MAMDC2: variants seen among roughly 807,000 people sequenced by gnomAD.
MAMDC2 encodes MAM domain containing 2.
In MAMDC2, 57 loss-of-function variants were observed where a neutral mutation model predicts 89.8. The ratio of observed to expected loss-of-function variants is 0.63; its 90% CI spans 0.51 to 0.79. The LOEUF (loss-of-function observed/expected upper bound fraction) is 0.79. Among genes scored for constraint, MAMDC2 ranks in the 30% least tolerant of loss-of-function variants. The pLI is 0.00. For missense variants in MAMDC2, 800 were observed against 820.6 expected (o/e 0.97, Z 0.31); for synonymous variants, 313 against 293.4 (o/e 1.07, Z -0.68).
chr9:70,073,557 C>T (rs777818176), intron 2 of MAMDC2, among the ~76,000 whole-genome samples: 3 of 152,098 alleles, frequency 2.0e-5, no homozygotes, highest in Non-Finnish European at 4.4e-5. Flanking sequence ...GGGTTTTGGC[C>T]GAGGACATTG....
At chr9:70,137,747 A>G (rs2031061110) in intron 7 of MAMDC2, among the ~76,000 whole-genome samples, 1 of 152,170 alleles carries the variant, frequency 6.6e-6, no homozygotes. Context: ...CTAGATTGTT[A>G]GACGTGTATG....
chr9:70,170,514 G>A lies in MAMDC2; in HGVS notation c.1534G>A (p.Glu512Lys), dbSNP rs751619057. 8.1e-6 allele frequency: 13 copies of A among 1,612,124 alleles called. No individual in the cohort carries two copies. The highest frequency in any genetic ancestry group is 2.2e-5 in the South Asian group (2 of 90,714). Residue 512 changes from glutamate to lysine, a missense_variant, in exon 11 of 14, where the codon GAG (glutamate) becomes AAG (lysine). Transcript: ENST00000377182. ...ACCTCCACCTGGAGAGTGTACTTTC[G>A]AGCAAGATGAATGTACATTTACTCA... ...LPPPPGECTF[E>K]QDECTFTQEK...
At chr9:70,171,595 A>C (rs1300999426) in intron 11 of MAMDC2, among the ~76,000 whole-genome samples, 1 of 152,192 alleles carries the variant, frequency 6.6e-6, no homozygotes, top group Non-Finnish European at 1.5e-5. Context: ...GAATAAAAGC[A>C]CAACACTTGG....
intron 2 of MAMDC2, among the ~76,000 whole-genome samples, chr9:70,090,419 G>C (rs569315756): frequency 3.3e-5 from 5 of 151,156 alleles, no homozygotes; most frequent in African/African-American, 1.2e-4. Context: ...AGGAGTTCAG[G>C]GCTGCAGTGG....
chr9:70,142,562 C>A (rs1361229282), intron 8 of MAMDC2, among the ~76,000 whole-genome samples: 1 of 152,168 alleles, frequency 6.6e-6, no homozygotes, highest in Non-Finnish European at 1.5e-5. Context: ...GTGGCTTAAA[C>A]AACAGACATT....
chr9:70,208,019 G>C (rs1434939210), intron 11 of MAMDC2, among the ~76,000 whole-genome samples: 3 of 152,170 alleles, frequency 2.0e-5, no homozygotes, highest in Non-Finnish European at 4.4e-5. Context: ...GTACCATGCT[G>C]TTTTGGTTAC....
intron 11 of MAMDC2, among the ~76,000 whole-genome samples, chr9:70,190,484 T>G (rs1228482651): frequency 6.6e-6 from 1 of 152,122 alleles, no homozygotes; most frequent in Non-Finnish European, 1.5e-5. Context: ...AGTTTACAAC[T>G]TTGCCTTAGC....
intron 10 of MAMDC2, chr9:70,169,762 A>T (rs2032276353): frequency 6.6e-6 from 1 of 152,268 alleles, no homozygotes; most frequent in African/African-American, 2.4e-5. Flanking sequence ...TCTAATAATT[A>T]TGAATGTTAT....
rs1554677773 is a variant in MAMDC2, at chr9:70,166,276, T to TATAC, written c.1405-2425_1405-2424insTACA. Among the ~76,000 whole-genome samples, 691 of 139,136 alleles carry TATAC rather than the reference T, an allele frequency of 5.0e-3. 3 individuals carry two copies. Among genetic ancestry groups the TATAC allele is most frequent in the Non-Finnish European group, 7.8e-3 (496 of 63,628 alleles). The allele number at this position is 139,136 out of a possible 152,430, so 91.3% of individuals were successfully genotyped here. On this transcript the variant is annotated intron_variant, in intron 9 of 13. Transcript: ENST00000377182. Reference sequence around the variant, plus strand: ...AACAAAACAGAAATATATATATATATACACACACACACACACACACACACA... The same window carrying TATAC: ...AACAAAACAGAAATATATATATATATATACACACACACACACACACACACACACA...
At chr9:70,217,204 G>A (rs1361055715) in intron 11 of MAMDC2, 6 of 764,240 alleles carry the variant, frequency 7.9e-6, no homozygotes, top group Admixed American at 1.8e-5. Context: ...CACGAAGGTC[G>A]AGCTGTGCAG....
intron 12 of MAMDC2, among the ~76,000 whole-genome samples, chr9:70,221,219 G>A (rs2118695450): frequency 6.6e-6 from 1 of 150,734 alleles, no homozygotes; most frequent in East Asian, 1.9e-4. Flanking sequence ...GCCGGGCACA[G>A]TGGCTCACAT....
Position 70,108,263 on chromosome 9 carries a change from G to A in MAMDC2, c.201G>A (p.Val67=). 1 of 1,613,150 alleles carries A rather than the reference G, an allele frequency of 6.2e-7. No homozygotes were observed. The highest frequency in any genetic ancestry group is 1.1e-5 in the South Asian group (1 of 90,790). ...TSFGKQGEKA[V]LLSPDLQAEE... is the part of the protein sequence containing the mutation. ...TTGGCAAGCAGGGGGAGAAAGCTGT[G>A]CTGCTAAGTCCTGACTTACAGGCTG... Residue 67 remains valine (V), a synonymous_variant, in exon 3 of 14, where the codon GTG becomes GTA. Coordinates refer to ENST00000377182, the MANE Select transcript of MAMDC2 (RefSeq NM_153267.5).
At chr9:70,209,461 A>G (rs996536684) in intron 11 of MAMDC2, among the ~76,000 whole-genome samples, 5 of 152,008 alleles carry the variant, frequency 3.3e-5, no homozygotes, top group African/African-American at 4.8e-5. Flanking sequence ...GTATTTCTGT[A>G]GGATCAGTTG....
intron 2 of MAMDC2, among the ~76,000 whole-genome samples, chr9:70,106,900 T>A (rs1039024415): frequency 6.6e-6 from 1 of 152,166 alleles, no homozygotes; most frequent in Non-Finnish European, 1.5e-5. Context: ...CTGTCGGTAC[T>A]CGCCACGGAT....
At chr9:70,161,046 C>T (rs1382358446) in intron 9 of MAMDC2, among the ~76,000 whole-genome samples, 1 of 152,106 alleles carries the variant, frequency 6.6e-6, no homozygotes, top group Non-Finnish European at 1.5e-5. Flanking sequence ...ATACCCGAGT[C>T]TGCAACTGGC....
chr9:70,170,595 T>G lies in MAMDC2; in HGVS notation c.1615T>G (p.Tyr539Asp). The G allele has an allele frequency of 6.2e-7, 1 of 1,612,156 alleles. No individual in the cohort carries two copies. Among genetic ancestry groups the G allele is most frequent in the South Asian group, 1.1e-5 (1 of 90,792 alleles). Residue 539 changes from tyrosine to aspartate, a missense_variant, in exon 11 of 14, where the codon TAC becomes GAC. Tyr to Asp is a radical substitution (Grantham distance 160, BLOSUM62 -3). Coordinates refer to ENST00000377182, the MANE Select transcript of MAMDC2 (RefSeq NM_153267.5). ...GAGGAGGGGAGAAACTCCCACTTCC[T>G]ACACAGGACCAAAGGGAGATCACAC... The part of the protein sequence containing the change: ...HRRRGETPTS[Y>D]TGPKGDHTTG...
intron 12 of MAMDC2, among the ~76,000 whole-genome samples, chr9:70,223,468 C>A (rs1169971607): frequency 1.3e-5 from 2 of 152,144 alleles, no homozygotes; most frequent in African/African-American, 2.4e-5. Context: ...GATTTCTACA[C>A]AATGCTTGCT....
chr9:70,153,237 T>C (rs889221477), intron 9 of MAMDC2: 1 of 152,144 alleles, frequency 6.6e-6, no homozygotes, highest in African/African-American at 2.4e-5. Flanking sequence ...CTTTATGAAA[T>C]AGAGAGCAGG....
At chr9:70,179,549 A>AAATAAAAAT (rs2032588707) in intron 11 of MAMDC2, among the ~76,000 whole-genome samples, 1 of 150,510 alleles carries the variant, frequency 6.6e-6, no homozygotes, top group Non-Finnish European at 1.5e-5. Context: ...ATAAATAAAT[A>AAATAAAAAT]AAAATAAAAT....
Sources: gnomAD v4.1 joint callset for allele counts (sites outside exome capture counted in the v4.1 genomes callset) on GRCh38, gnomAD v4.1.1 for gene constraint, MANE v1.5 for transcripts, NCBI Gene and HGNC (gene_info 2026-07-23, HGNC 2026-07-21) for gene names.